BABAM1: variants seen among roughly 807,000 people sequenced by gnomAD.
The protein encoded by BABAM1 is BRISC and BRCA1 A complex member 1.
BABAM1 carries 14 observed loss-of-function variants against 34.4 expected under a neutral mutation model. The ratio of observed to expected loss-of-function variants is 0.41; its 90% CI spans 0.27 to 0.64. The LOEUF is 0.64. BABAM1 is among the 30% of genes least tolerant of loss of function. The pLI, the probability that BABAM1 is intolerant of heterozygous loss-of-function variation, is 0.34. For missense variants in BABAM1, 393 were observed against 434.0 expected (o/e 0.91, Z 0.84); for synonymous variants, 169 against 165.8 (o/e 1.02, Z -0.15).
Position 17,278,948 on chromosome 19 carries a change from A to G in BABAM1, c.890A>G (p.Lys297Arg). 1 of 1,613,240 alleles carries G rather than the reference A, an allele frequency of 6.2e-7. No homozygotes were observed. Among genetic ancestry groups the G allele is most frequent in the Admixed American group, 1.7e-5 (1 of 59,932 alleles). The part of the protein sequence containing the change: ...PALELHNCMA[K>R]LLAHPLQRPC... The stretch of plus-strand genomic sequence containing the variant: ...CTGGAGTTGCACAACTGCATGGCGA[A>G]ACTGTTGGCCCACCCCCTGCAGCGG... Residue 297 changes from lysine (K) to arginine (R), a missense_variant, in exon 9 of 9, where the codon AAA (lysine) becomes AGA (arginine). By Grantham distance (26) the Lys-to-Arg change is conservative (BLOSUM62 2). Coordinates refer to ENST00000598188, the MANE Select transcript of BABAM1 (RefSeq NM_014173.4).
At chr19:17,277,171 C>A (rs2073919830) in intron 8 of BABAM1, 2 of 248,696 alleles carry the variant, frequency 8.0e-6, no homozygotes, top group Admixed American at 1.2e-4. Flanking sequence ...TCCTTTCTTT[C>A]TTGCTTGCTT....
At chr19:17,271,554 G>T (rs373080408) in intron 2 of BABAM1, 43 bp from the exon 3 acceptor site, 1 of 1,605,282 alleles carries the variant, frequency 6.2e-7, no homozygotes, top group Admixed American at 1.7e-5. Flanking sequence ...GGGGGCCAAC[G>T]TTAAGGTCAG....
intron 5 of BABAM1, 90 bp from the exon 6 acceptor site, chr19:17,275,711 G>A (rs913948099): frequency 2.3e-5 from 35 of 1,550,636 alleles, no homozygotes; most frequent in East Asian, 4.5e-5. Flanking sequence ...CCCTAGGGGT[G>A]CCGGGTCTCC....
chr19:17,270,004 C>G (rs2073820343), intron 2 of BABAM1, among the ~76,000 whole-genome samples: 1 of 151,596 alleles, frequency 6.6e-6, no homozygotes, highest in Non-Finnish European at 1.5e-5. Flanking sequence ...TATCTCGGCT[C>G]ACTGCAAGCT....
At chr19:17,277,288 G>T in intron 8 of BABAM1, 1 of 166,970 alleles carries the variant, frequency 6.0e-6, no homozygotes, top group Non-Finnish European at 1.3e-5. Flanking sequence ...TGCAACCTCT[G>T]CCTCCCGGGT....
intron 8 of BABAM1, among the ~76,000 whole-genome samples, chr19:17,278,600 C>T (rs1433088453): frequency 2.0e-5 from 3 of 151,768 alleles, no homozygotes; most frequent in Non-Finnish European, 4.4e-5. Flanking sequence ...TGAGCCACCG[C>T]GCCCGGCCCA....
intron 2 of BABAM1, among the ~76,000 whole-genome samples, chr19:17,269,734 T>G (rs1389601471): frequency 2.0e-5 from 3 of 151,528 alleles, no homozygotes; most frequent in Non-Finnish European, 4.4e-5. Context: ...CCAATTTTTT[T>G]TTTTTGTTTT....
chr19:17,267,814 G>T (rs2073786317), intron 1 of BABAM1, among the ~76,000 whole-genome samples: 1 of 152,160 alleles, frequency 6.6e-6, no homozygotes, highest in African/African-American at 2.4e-5. Flanking sequence ...CTAATATTTT[G>T]CTTCTCCCTC....
rs200107428 is a variant in BABAM1, at chr19:17,274,166, G to A, written c.525G>A (p.Thr175=). The part of the protein sequence containing the change: ...ELCSCLYDLE[T]ASCSTFNLEG... ...GTAGCTGCCTCTATGATCTGGAGAC[G>A]GCCTCCTGTTCCACCTTCAGTATCC... is the stretch of plus-strand genomic sequence containing the variant. The change falls in exon 5 of 9, where the codon ACG becomes ACA. Residue 175 remains threonine (T), a synonymous_variant. Transcript: ENST00000598188. The A allele has an allele frequency of 1.9e-6, 3 of 1,613,266 alleles. No homozygotes were observed. Among genetic ancestry groups the A allele is most frequent in the African/African-American group, 2.7e-5 (2 of 75,004 alleles).
chr19:17,273,842 C>T (rs113272353), intron 3 of BABAM1, 62 bp from the exon 4 acceptor site: 266,098 of 1,525,336 alleles, frequency 0.17, 24,525 homozygotes, highest in Non-Finnish European at 0.19. Flanking sequence ...GAATTACAGG[C>T]GTGAGCCACT....
chr19:17,268,644 G>T, intron 1 of BABAM1, 150 bp from the exon 2 acceptor site: 1 of 784,874 alleles, frequency 1.3e-6, no homozygotes, highest in East Asian at 2.8e-5. Flanking sequence ...GGTCAGGCTG[G>T]TCTCGAACTT....
At chr19:17,275,948 C>T in intron 6 of BABAM1, 123 bp downstream of exon 6, 2 of 1,102,122 alleles carry the variant, frequency 1.8e-6, no homozygotes, top group Non-Finnish European at 2.7e-6. Flanking sequence ...CCTACCTCGC[C>T]CCGAGCAATT....
At chr19:17,272,730 A>G (rs1054888610) in intron 3 of BABAM1, among the ~76,000 whole-genome samples, 2 of 151,870 alleles carry the variant, frequency 1.3e-5, no homozygotes, top group African/African-American at 2.4e-5. Flanking sequence ...AAAAAAAGGA[A>G]AAAAGAAGCC....
intron 8 of BABAM1, 83 bp from the exon 9 acceptor site, chr19:17,278,762 G>A: frequency 7.3e-7 from 1 of 1,368,742 alleles, no homozygotes; most frequent in East Asian, 2.5e-5. Context: ...CCCCTCTTCT[G>A]AGAAGCCCTC....
chr19:17,272,217 C>T (rs562171613), intron 3 of BABAM1, among the ~76,000 whole-genome samples: 1 of 152,236 alleles, frequency 6.6e-6, no homozygotes, highest in South Asian at 2.1e-4. Context: ...GCTGGGATTA[C>T]AGGCATGAGC....
intron 2 of BABAM1, among the ~76,000 whole-genome samples, chr19:17,269,319 ATTCT>A (rs1344283305): frequency 6.7e-6 from 1 of 148,792 alleles, no homozygotes; most frequent in Admixed American, 6.7e-5. Flanking sequence ...AAGGGAGGGA[ATTCT>A]TTCTTGCCTC....
chr19:17,276,712 G>C (rs746164566), intron 7 of BABAM1, 88 bp downstream of exon 7: 22 of 1,557,084 alleles, frequency 1.4e-5, no homozygotes, highest in African/African-American at 2.7e-5. Context: ...ACAGAGGCTG[G>C]GGTGCCTAGA....
At chr19:17,269,485 G>A (rs974292393) in intron 2 of BABAM1, among the ~76,000 whole-genome samples, 1 of 150,700 alleles carries the variant, frequency 6.6e-6, no homozygotes, top group Non-Finnish European at 1.5e-5. Flanking sequence ...CGAGCAGCTG[G>A]GATTACAAGT....
chr19:17,272,695 C>G (rs903301346), intron 3 of BABAM1, among the ~76,000 whole-genome samples: 1 of 151,666 alleles, frequency 6.6e-6, no homozygotes, highest in Non-Finnish European at 1.5e-5. Context: ...TGTGAGCCAC[C>G]GCGCCCAGCC....
Sources: gnomAD v4.1 joint callset for allele counts (sites outside exome capture counted in the v4.1 genomes callset) on GRCh38, gnomAD v4.1.1 for gene constraint, MANE v1.5 for transcripts, NCBI Gene and HGNC (gene_info 2026-07-23, HGNC 2026-07-21) for gene names.